The following EHHADH variants were observed in gnomAD, a reference collection of about 807,000 sequenced individuals.
EHHADH encodes enoyl-CoA hydratase and 3-hydroxyacyl CoA dehydrogenase.
In EHHADH, 48 loss-of-function variants were observed where a neutral mutation model predicts 64.4. The observed-to-expected ratio is 0.75, with a 90% CI of 0.59 to 0.95. The LOEUF (loss-of-function observed/expected upper bound fraction) is 0.95. Ranked by LOEUF, EHHADH falls within the 40% of genes least tolerant of loss-of-function variation. The pLI, the probability that EHHADH is intolerant of heterozygous loss-of-function variation, is 0.00. For missense variants in EHHADH, 854 were observed against 876.6 expected (o/e 0.97, Z 0.33); for synonymous variants, 308 against 326.7 (o/e 0.94, Z 0.62).
intron 2 of EHHADH, among the ~76,000 whole-genome samples, chr3:185,242,035 T>C (rs1719468473): frequency 6.6e-6 from 1 of 152,080 alleles, no homozygotes; most frequent in Admixed American, 6.6e-5. Flanking sequence ...TTATCCCAGC[T>C]GTGTCCAAGC....
At chr3:185,252,223 A>G (rs1215730652) in intron 1 of EHHADH, among the ~76,000 whole-genome samples, 1 of 152,102 alleles carries the variant, frequency 6.6e-6, no homozygotes, top group African/African-American at 2.4e-5. Context: ...AACATGGTGA[A>G]ACCCCGTCTC....
At chr3:185,210,748 G>A (rs1718520178) in intron 5 of EHHADH, among the ~76,000 whole-genome samples, 1 of 152,058 alleles carries the variant, frequency 6.6e-6, no homozygotes, top group Non-Finnish European at 1.5e-5. Context: ...AGCAGAGAGT[G>A]TTGTCCGCCA....
At chr3:185,207,579 C>T (rs187246996) in intron 5 of EHHADH, among the ~76,000 whole-genome samples, 29 of 152,270 alleles carry the variant, frequency 1.9e-4, no homozygotes, top group African/African-American at 7.0e-4. Flanking sequence ...CAAGCAAGAA[C>T]ATGGGGACTC....
At chr3:185,211,764 T>C (rs1718546991) in intron 5 of EHHADH, among the ~76,000 whole-genome samples, 1 of 152,212 alleles carries the variant, frequency 6.6e-6, no homozygotes, top group East Asian at 1.9e-4. Context: ...TTGAAACATG[T>C]TCATATAAAT....
intron 6 of EHHADH, among the ~76,000 whole-genome samples, chr3:185,198,607 G>A (rs1718137427): frequency 6.6e-6 from 1 of 151,810 alleles, no homozygotes; most frequent in African/African-American, 2.4e-5. Context: ...CCAGCACTTT[G>A]AGAAGCTGAG....
intron 5 of EHHADH, 47 bp downstream of exon 5, chr3:185,218,089 T>G: frequency 7.2e-7 from 1 of 1,391,462 alleles, no homozygotes; most frequent in Non-Finnish European, 1.0e-6. Flanking sequence ...TAAATGAACA[T>G]GTATCCTGTT....
At chr3:185,236,193 A>G (rs910670054) in intron 2 of EHHADH, among the ~76,000 whole-genome samples, 2 of 152,232 alleles carry the variant, frequency 1.3e-5, no homozygotes, top group African/African-American at 4.8e-5. Flanking sequence ...GTGAGCGAGC[A>G]TTACAACCTG....
chr3:185,228,257 A>AAAAAAAAAAACAT (rs1367786172), intron 4 of EHHADH, among the ~76,000 whole-genome samples: 1 of 21,994 alleles, frequency 4.5e-5, no homozygotes, highest in Non-Finnish European at 1.1e-4. Flanking sequence ...AAAAAAAAAA[A>AAAAAAAAAAACAT]ATATATATAT....
At chr3:185,248,386 T>C (rs745784378) in intron 2 of EHHADH, 28 bp downstream of exon 2, 3 of 1,492,026 alleles carry the variant, frequency 2.0e-6, no homozygotes, top group South Asian at 2.3e-5. Context: ...ATTCCAGAGA[T>C]GGTGGGAGAG....
intron 6 of EHHADH, among the ~76,000 whole-genome samples, chr3:185,203,701 A>C (rs2108628990): frequency 1.3e-5 from 2 of 152,278 alleles, no homozygotes; most frequent in Admixed American, 1.3e-4. Context: ...GGTGAAGTGA[A>C]TGGATCGGGG....
At chr3:185,220,435 A>T (rs894745932) in intron 4 of EHHADH, among the ~76,000 whole-genome samples, 1 of 152,224 alleles carries the variant, frequency 6.6e-6, no homozygotes, top group Admixed American at 6.5e-5. Flanking sequence ...CAGTACAGTA[A>T]CATGCTGCAC....
intron 1 of EHHADH, among the ~76,000 whole-genome samples, chr3:185,253,024 C>A (rs1013228530): frequency 4.6e-5 from 7 of 151,756 alleles, no homozygotes; most frequent in African/African-American, 1.5e-4. Flanking sequence ...TTAAAGTGCA[C>A]CACACAAGGC....
intron 5 of EHHADH, among the ~76,000 whole-genome samples, chr3:185,217,355 G>C (rs767124736): frequency 2.0e-5 from 3 of 151,902 alleles, no homozygotes; most frequent in Non-Finnish European, 4.4e-5. Context: ...GATGAGCCTG[G>C]CAAACATAGT....
intron 6 of EHHADH, among the ~76,000 whole-genome samples, chr3:185,194,401 T>C (rs952870424): frequency 5.3e-5 from 8 of 152,032 alleles, no homozygotes; most frequent in African/African-American, 1.9e-4. Context: ...TCACCTGAGG[T>C]CAGGATTTCA....
At chr3:185,217,978 G>A (rs912812595) in intron 5 of EHHADH, among the ~76,000 whole-genome samples, 158 bp downstream of exon 5, 1 of 151,706 alleles carries the variant, frequency 6.6e-6, no homozygotes, top group African/African-American at 2.4e-5. Flanking sequence ...TGTTAGCCAG[G>A]ATGGTCTCGA....
chr3:185,237,775 T>C (rs1719337137), intron 2 of EHHADH, among the ~76,000 whole-genome samples: 1 of 152,188 alleles, frequency 6.6e-6, no homozygotes, highest in Admixed American at 6.5e-5. Flanking sequence ...TTTTTATAGA[T>C]TCGGGGGGTA....
chr3:185,231,908 T>C (rs1008332654), intron 3 of EHHADH, among the ~76,000 whole-genome samples: 4 of 152,278 alleles, frequency 2.6e-5, no homozygotes, highest in South Asian at 2.1e-4. Flanking sequence ...TCATATACCA[T>C]TGAATTGCAC....
chr3:185,213,953 C>T (rs1198430220), intron 5 of EHHADH, among the ~76,000 whole-genome samples: 2 of 150,622 alleles, frequency 1.3e-5, no homozygotes, highest in East Asian at 1.9e-4. Context: ...AAGATAGGCA[C>T]AATACCTCAA....
rs1717851542 is a variant in EHHADH at position 185,191,091 on chromosome 3, C to T, written c.*1135G>A. 1 of 152,122 alleles carries T rather than the reference C, an allele frequency of 6.6e-6. No individual in the cohort carries two copies. Among genetic ancestry groups the T allele is most frequent in the Admixed American group, 6.6e-5 (1 of 15,260 alleles). 9.4% of individuals were successfully genotyped at this position (152,122 alleles called of 1,614,324 possible). ...GAATCCTGTACTCCCCATTCATCAC[C>T]CCCAATTCTAGCCTTAGGCAACCAC... On this transcript the variant is annotated 3_prime_UTR_variant, in exon 7 of 7. Transcript: ENST00000231887.
Sources: gnomAD v4.1 joint callset for allele counts (sites outside exome capture counted in the v4.1 genomes callset) on GRCh38, gnomAD v4.1.1 for gene constraint, MANE v1.5 for transcripts, NCBI Gene and HGNC (gene_info 2026-07-23, HGNC 2026-07-21) for gene names.